Variants in EPB41 observed in about 807,000 individuals in gnomAD.
The protein encoded by EPB41 is protein 4.1.
EPB41 carries 65 observed loss-of-function variants against 108.0 expected under a neutral mutation model. That is an observed-to-expected ratio of 0.60 (90% CI 0.49 to 0.74). EPB41 has a LOEUF of 0.74. EPB41 is among the 30% of genes least tolerant of loss of function. EPB41 has a pLI of 0.00. For missense variants in EPB41, 875 were observed against 1,037.0 expected, an observed-to-expected ratio of 0.84 and a Z score of 2.15; for synonymous variants, 336 against 358.9, an observed-to-expected ratio of 0.94 and a Z score of 0.72.
At chr1:28,966,413 G>A (rs928574749) in intron 1 of EPB41, among the ~76,000 whole-genome samples, 3 of 151,986 alleles carry the variant, frequency 2.0e-5, no homozygotes, top group African/African-American at 7.3e-5. Flanking sequence ...TCTTTCTTTT[G>A]TTCATTTATT....
intron 1 of EPB41, among the ~76,000 whole-genome samples, chr1:28,918,687 G>A (rs1324497837): frequency 1.3e-5 from 2 of 152,132 alleles, no homozygotes; most frequent in Non-Finnish European, 2.9e-5. Flanking sequence ...CGAGGCCCAC[G>A]GATCACTTGA....
chr1:29,086,116 T>C (rs1658788524), intron 16 of EPB41, among the ~76,000 whole-genome samples: 1 of 152,104 alleles, frequency 6.6e-6, no homozygotes, highest in Non-Finnish European at 1.5e-5. Flanking sequence ...TGAAACCAGA[T>C]ACAAGTGCTT....
chr1:28,975,985 A>C (rs1486224579), intron 1 of EPB41, among the ~76,000 whole-genome samples: 2 of 151,500 alleles, frequency 1.3e-5, no homozygotes, highest in Non-Finnish European at 2.9e-5. Context: ...AAATATGTAC[A>C]TGGGCGGGGA....
chr1:29,039,357 C>T lies in EPB41; in HGVS notation c.1567C>T (p.Leu523=), dbSNP rs1465804004. 2 of 1,614,028 alleles carry T rather than the reference C, an allele frequency of 1.2e-6. No individual in the cohort carries two copies. The highest frequency in any genetic ancestry group is 2.7e-5 in the African/African-American group (2 of 74,910). ...AGCTCAGACCAGGCAAGCTAGTGCT[C>T]TAATTGACAGGCCTGCCCCACACTT... ...TQAQTRQASA[L]IDRPAPHFER... is the part of the protein sequence containing the mutation. Residue 523 remains leucine, a synonymous_variant, in exon 11 of 21, where the codon CTA becomes TTA. Transcript: ENST00000343067.
At chr1:28,962,712 C>T (rs955628335) in intron 1 of EPB41, among the ~76,000 whole-genome samples, 1 of 151,580 alleles carries the variant, frequency 6.6e-6, no homozygotes, top group Non-Finnish European at 1.5e-5. Context: ...AACTTTCTGT[C>T]TTTGGATTTG....
intron 11 of EPB41, among the ~76,000 whole-genome samples, chr1:29,046,205 A>G (rs888648970): frequency 1.3e-5 from 2 of 151,644 alleles, no homozygotes; most frequent in African/African-American, 4.8e-5. Context: ...GCTCACTGCA[A>G]CCTCTGCCTC....
intron 9 of EPB41, among the ~76,000 whole-genome samples, chr1:29,034,676 G>A (rs1172344574): frequency 6.6e-6 from 1 of 152,042 alleles, no homozygotes; most frequent in Non-Finnish European, 1.5e-5. Flanking sequence ...AGTAACCCTG[G>A]GAGAATATGT....
intron 16 of EPB41, chr1:29,070,754 C>G: frequency 8.5e-7 from 1 of 1,170,030 alleles, no homozygotes; most frequent in Non-Finnish European, 1.1e-6. Flanking sequence ...ATTTTTCTGT[C>G]AAATGTTACT....
At chr1:28,897,616 AGAGGAGGGG>A (rs1313900765) in intron 1 of EPB41, among the ~76,000 whole-genome samples, 1 of 12,570 alleles carries the variant, frequency 8.0e-5, no homozygotes, top group Non-Finnish European at 1.2e-4. Context: ...AGGGGAGGGG[AGAGGAGGGG>A]AGAGGAGGGG....
At chr1:29,021,130 G>A (rs969303991) in intron 7 of EPB41, among the ~76,000 whole-genome samples, 4 of 152,132 alleles carry the variant, frequency 2.6e-5, no homozygotes, top group African/African-American at 7.2e-5. Context: ...AAAACATCAC[G>A]TTTAATCTTT....
intron 12 of EPB41, among the ~76,000 whole-genome samples, chr1:29,054,866 C>G (rs1040993863): frequency 6.6e-6 from 1 of 151,818 alleles, no homozygotes; most frequent in Non-Finnish European, 1.5e-5. Context: ...AGTGAAGCCC[C>G]GTCTTTACTA....
intron 1 of EPB41, among the ~76,000 whole-genome samples, chr1:28,923,014 C>G (rs74481584): frequency 0.1 from 15,522 of 151,808 alleles, 1,042 homozygotes; most frequent in Non-Finnish European, 0.15. Flanking sequence ...AGGTGTGAGC[C>G]AACACACTCA....
intron 1 of EPB41, among the ~76,000 whole-genome samples, chr1:28,891,244 AG>A (rs2090083842): frequency 1.3e-5 from 2 of 152,224 alleles, no homozygotes; most frequent in South Asian, 4.1e-4. Flanking sequence ...GGTCAGCAAT[AG>A]GATAAAGGGT....
chr1:29,099,435 C>T (rs1182148632), intron 17 of EPB41, among the ~76,000 whole-genome samples: 1 of 152,098 alleles, frequency 6.6e-6, no homozygotes, highest in African/African-American at 2.4e-5. Context: ...AAGCAGTTCT[C>T]CCACCTTTGC....
chr1:28,922,234 CT>C (rs1204493668), intron 1 of EPB41, among the ~76,000 whole-genome samples: 2 of 151,620 alleles, frequency 1.3e-5, no homozygotes, highest in African/African-American at 4.9e-5. Context: ...TCCCAAAGTG[CT>C]CAGATCACAG....
At chr1:29,097,778 C>T (rs375768970) in intron 16 of EPB41, 29 bp from the exon 17 acceptor site, 44 of 1,612,424 alleles carry the variant, frequency 2.7e-5, no homozygotes, top group East Asian at 2.0e-4. Context: ...CAGAAATACT[C>T]TAGTAACTCT....
Position 28,993,663 on chromosome 1 carries a change from T to TTC in EPB41, c.681+122_681+123insCT, listed in dbSNP as rs1553223689. 12 of 904,494 alleles carry TTC rather than the reference T, an allele frequency of 1.3e-5. No homozygotes were observed. In the African/African-American group the frequency reaches 2.1e-4, roughly 16 times the overall value. 56.0% of individuals were successfully genotyped at this position (904,494 alleles called of 1,614,324 possible). ...TAGTGATTATTTCTTTTTTCTTTTTTTTTTTTTTTTTGAGACAGAGTTTTG... is the reference window on the plus strand; with the variant it reads ...TAGTGATTATTTCTTTTTTCTTTTTTTCTTTTTTTTTTTGAGACAGAGTTTTG... On this transcript the variant is annotated intron_variant, in intron 3 of 20. Coordinates refer to ENST00000343067, the MANE Select transcript of EPB41 (RefSeq NM_001376013.1).
At chr1:29,025,960 G>T (rs2096713747) in intron 7 of EPB41, among the ~76,000 whole-genome samples, 1 of 152,096 alleles carries the variant, frequency 6.6e-6, no homozygotes, top group Non-Finnish European at 1.5e-5. Context: ...GGGCATCCAT[G>T]TGGGGGAAAA....
chr1:29,041,203 G>T (rs1403917359), intron 11 of EPB41: 1 of 151,682 alleles, frequency 6.6e-6, no homozygotes, highest in African/African-American at 2.4e-5. Flanking sequence ...AGAAGGGCCG[G>T]GCATGGTGGC....
Sources: gnomAD v4.1 joint callset for allele counts (sites outside exome capture counted in the v4.1 genomes callset) on GRCh38, gnomAD v4.1.1 for gene constraint, MANE v1.5 for transcripts, NCBI Gene and HGNC (gene_info 2026-07-23, HGNC 2026-07-21) for gene names.